The following EMP1 variants were observed in gnomAD, a reference collection of about 807,000 sequenced individuals.
EMP1 encodes epithelial membrane protein 1, also known as tumor-associated membrane protein.
In EMP1, 5 loss-of-function variants were observed where a neutral mutation model predicts 15.7. That is an observed-to-expected ratio of 0.32 (90% CI 0.17 to 0.67). EMP1 has a LOEUF of 0.67. Among genes scored for constraint, EMP1 ranks in the 30% least tolerant of loss-of-function variants. The pLI, the probability that EMP1 is intolerant of heterozygous loss-of-function variation, is 0.74. For missense variants in EMP1, 166 were observed against 194.2 expected (o/e 0.85, Z 0.86); for synonymous variants, 78 against 76.7 (o/e 1.02, Z -0.09).
chr12:13,206,897 C>T (rs927196883), intron 1 of EMP1, among the ~76,000 whole-genome samples: 1 of 150,946 alleles, frequency 6.6e-6, no homozygotes, highest in African/African-American at 2.4e-5. Context: ...GCATGGCAGT[C>T]TCAGGGCTGT....
At position 13,205,440 on chromosome 12, in the gene EMP1, G is replaced by A. The variant is rs979801456; in HGVS notation, c.-42-6029G>A. On this transcript the variant is annotated intron_variant, in intron 1 of 4. Coordinates refer to ENST00000256951, the MANE Select transcript of EMP1 (RefSeq NM_001423.3). ...ATAAGATGCTCAATACATAGTTGTA[G>A]TAAAGTATTAAGCAATTTCTGAAAA... Among the ~76,000 whole-genome samples the A allele has an allele frequency of 2.0e-5, 3 of 152,092 alleles. No homozygotes were observed. The East Asian group carries it at 5.8e-4, about 29-fold the overall frequency.
chr12:13,218,073 G>C lies in EMP1; in HGVS notation c.*3382G>C, dbSNP rs992065746. 1.3e-5 allele frequency: 2 copies of C among 152,182 alleles called. No homozygotes were observed. Among genetic ancestry groups the C allele is most frequent in the African/African-American group, 4.8e-5 (2 of 41,444 alleles). 9.4% of individuals were successfully genotyped at this position (152,182 alleles called of 1,614,324 possible). A position where few individuals can be genotyped will look rare whatever the true frequency, so the allele number is the denominator to read the frequency against. On this transcript the variant is annotated 3_prime_UTR_variant, in exon 5 of 5. Transcript: ENST00000256951. ...TTTGTGCAAATTATGAGTATAAAGA[G>C]GGTGAGCTACAGAACTCTCCATGAC...
chr12:13,198,792 C>T (rs1864036524), intron 1 of EMP1, among the ~76,000 whole-genome samples: 1 of 152,238 alleles, frequency 6.6e-6, no homozygotes, highest in Non-Finnish European at 1.5e-5. Context: ...AAATATGCTA[C>T]ATGTTACTTC....
intron 1 of EMP1, among the ~76,000 whole-genome samples, chr12:13,204,273 C>T (rs904691957): frequency 7.2e-5 from 11 of 152,116 alleles, no homozygotes; most frequent in African/African-American, 2.7e-4. Context: ...TTTCCCACCC[C>T]TGCATAAACA....
chr12:13,213,771 T>C lies in EMP1; in HGVS notation c.266T>C (p.Met89Thr). Reference sequence around the variant, plus strand: ...GTCTTCGTGTTCCAGCTCTTCACCATGGAGAAGGGAAACCGGTTCTTCCTC... The same window carrying C: ...GTCTTCGTGTTCCAGCTCTTCACCACGGAGAAGGGAAACCGGTTCTTCCTC... ...LLVFVFQLFTMEKGNRFFLSG... is the reference protein window; with the variant it reads ...LLVFVFQLFTTEKGNRFFLSG... The change falls in exon 4 of 5, where the codon ATG becomes ACG. Residue 89 changes from methionine to threonine, a missense_variant. Physicochemically the swap from Met to Thr is moderately conservative, Grantham distance 81. Coordinates refer to ENST00000256951, the MANE Select transcript of EMP1 (RefSeq NM_001423.3). 2 of 1,614,218 alleles carry C rather than the reference T, an allele frequency of 1.2e-6. No homozygotes were observed. The highest frequency in any genetic ancestry group is 1.7e-6 in the Non-Finnish European group (2 of 1,180,038).
rs1864210942 is a variant in EMP1, at chr12:13,215,909, A to AT, written c.*1218_*1219insT. ...CTACCGTATTTCAGCCATGATAAGA[A>AT]CAGAGTGCCTGCATTCCCAGGAAAA... On this transcript the variant is annotated 3_prime_UTR_variant, in exon 5 of 5. Transcript: ENST00000256951. The AT allele has an allele frequency of 6.2e-6, 1 of 161,866 alleles. No individual in the cohort carries two copies. Among genetic ancestry groups the AT allele is most frequent in the African/African-American group, 2.4e-5 (1 of 41,504 alleles). 10.0% of individuals were successfully genotyped at this position (161,866 alleles called of 1,614,324 possible).
In EMP1 at chr12:13,216,573, G is replaced by A; in HGVS notation, c.*1882G>A. The A allele has an allele frequency of 1.5e-6, 1 of 650,500 alleles. No individual in the cohort carries two copies. The highest frequency in any genetic ancestry group is 1.7e-5 in the South Asian group (1 of 57,796). 40.3% of individuals were successfully genotyped at this position (650,500 alleles called of 1,614,324 possible). On this transcript the variant is annotated 3_prime_UTR_variant, in exon 5 of 5. Transcript: ENST00000256951. ...TTTGTTAAGAAGTTGAACTATGACTGGAGTAAACCATGTATTCCCTTATCT... is the reference window on the plus strand; with the variant it reads ...TTTGTTAAGAAGTTGAACTATGACTAGAGTAAACCATGTATTCCCTTATCT...
intron 2 of EMP1, 73 bp from the exon 3 acceptor site, chr12:13,213,406 A>T (rs1864183912): frequency 1.8e-5 from 24 of 1,359,998 alleles, no homozygotes; most frequent in Non-Finnish European, 2.5e-5. Flanking sequence ...TCCCGATGCA[A>T]GCTGATTTGT....
At chr12:13,207,884 A>G (rs1864128650) in intron 1 of EMP1, among the ~76,000 whole-genome samples, 1 of 152,194 alleles carries the variant, frequency 6.6e-6, no homozygotes, top group South Asian at 2.1e-4. Context: ...AAGCACCACA[A>G]ATGAACGCTG....
At chr12:13,210,150 T>C (rs1224004448) in intron 1 of EMP1, among the ~76,000 whole-genome samples, 1 of 152,208 alleles carries the variant, frequency 6.6e-6, no homozygotes, top group Non-Finnish European at 1.5e-5. Flanking sequence ...GGAATTATAG[T>C]ATCAGTGCTC....
chr12:13,206,931 GT>G (rs1443549296), intron 1 of EMP1, among the ~76,000 whole-genome samples: 4 of 3,084 alleles, frequency 1.3e-3, no homozygotes, highest in African/African-American at 1.6e-3. Context: ...TTTCATTTGT[GT>G]GTGTGTGTGT....
intron 1 of EMP1, among the ~76,000 whole-genome samples, chr12:13,210,873 C>T (rs1397754600): frequency 6.6e-6 from 1 of 152,194 alleles, no homozygotes; most frequent in Admixed American, 6.5e-5. Flanking sequence ...TTATTGAAAA[C>T]CAAACAGCAT....
intron 1 of EMP1, among the ~76,000 whole-genome samples, chr12:13,199,895 A>G (rs1334041997): frequency 4.0e-5 from 6 of 150,662 alleles, no homozygotes; most frequent in East Asian, 1.9e-4. Context: ...CTTAACGCCT[A>G]TTTAATATTT....
rs1173661566 is a variant in EMP1, at chr12:13,214,315, A to ATGTCTG, written c.317-219_317-218insTGTCTG. On this transcript the variant is annotated intron_variant, in intron 4 of 4. Transcript: ENST00000256951. ...GTTTTACATCACAGCGTGGCCACAC[A>ATGTCTG]AACCAGTGCAGACATGAGAGCCCAG... 6.2e-6 allele frequency: 4 copies of ATGTCTG among 646,556 alleles called. No homozygotes were observed. In the African/African-American group the frequency reaches 7.3e-5, roughly 12 times the overall value. The allele number at this position is 646,556 out of a possible 1,614,324, so 40.1% of individuals were successfully genotyped here. A position where few individuals can be genotyped will look rare whatever the true frequency, so the allele number is the denominator to read the frequency against.
At chr12:13,206,415 A>C (rs1200391201) in intron 1 of EMP1, among the ~76,000 whole-genome samples, 3 of 152,162 alleles carry the variant, frequency 2.0e-5, no homozygotes, top group Non-Finnish European at 4.4e-5. Flanking sequence ...TTGAGCCCTG[A>C]GGGCCTCCCC....
In EMP1 at chr12:13,219,600, T is replaced by G. The variant is rs1255834802; in HGVS notation, c.*4909T>G. 1 of 152,172 alleles carries G rather than the reference T, an allele frequency of 6.6e-6. No homozygotes were observed. The highest frequency in any genetic ancestry group is 1.5e-5 in the Non-Finnish European group (1 of 68,034). The allele number at this position is 152,172 out of a possible 1,614,324, so 9.4% of individuals were successfully genotyped here. On this transcript the variant is annotated 3_prime_UTR_variant, in exon 5 of 5. Transcript: ENST00000256951. ...TTTCACACTGCTATGAAGACATACTTGAGACTCGGTAATTTATATAGAAAA... is the reference window on the plus strand; with the variant it reads ...TTTCACACTGCTATGAAGACATACTGGAGACTCGGTAATTTATATAGAAAA...
chr12:13,197,856 T>A (rs969425632), intron 1 of EMP1, among the ~76,000 whole-genome samples: 7 of 152,162 alleles, frequency 4.6e-5, no homozygotes, highest in Admixed American at 1.3e-4. Context: ...AATGGTGTTT[T>A]AAATGAAACG....
At position 13,218,566 on chromosome 12, in the gene EMP1, G is replaced by C. The variant is rs1431583027; in HGVS notation, c.*3875G>C. The C allele has an allele frequency of 6.6e-6, 1 of 152,166 alleles. No individual in the cohort carries two copies. Among genetic ancestry groups the C allele is most frequent in the African/African-American group, 2.4e-5 (1 of 41,436 alleles). The allele number at this position is 152,166 out of a possible 1,614,324, so 9.4% of individuals were successfully genotyped here. A position where few individuals can be genotyped will look rare whatever the true frequency, so the allele number is the denominator to read the frequency against. On this transcript the variant is annotated 3_prime_UTR_variant, in exon 5 of 5. Coordinates refer to ENST00000256951, the MANE Select transcript of EMP1 (RefSeq NM_001423.3). ...ACTCACTTTAAAGATGTATCATTTGGAGGTAGACACGATTTTCAGAGCACA... is the reference window on the plus strand; with the variant it reads ...ACTCACTTTAAAGATGTATCATTTGCAGGTAGACACGATTTTCAGAGCACA...
At chr12:13,197,887 G>C (rs1591704154) in intron 1 of EMP1, among the ~76,000 whole-genome samples, 1 of 152,206 alleles carries the variant, frequency 6.6e-6, no homozygotes, top group Non-Finnish European at 1.5e-5. Flanking sequence ...TCACTTGGTC[G>C]AAGCAGGAGC....
Sources: gnomAD v4.1 joint callset for allele counts (sites outside exome capture counted in the v4.1 genomes callset) on GRCh38, gnomAD v4.1.1 for gene constraint, MANE v1.5 for transcripts, NCBI Gene and HGNC (gene_info 2026-07-23, HGNC 2026-07-21) for gene names.